Variants in WDFY4 observed in about 807,000 individuals in gnomAD.
WDFY4 encodes the protein WD repeat- and FYVE domain-containing protein 4.
Under a neutral mutation model 351.9 loss-of-function variants are expected in WDFY4, and 169 were observed. That is an observed-to-expected ratio of 0.48 (90% CI 0.42 to 0.55). The LOEUF (loss-of-function observed/expected upper bound fraction) is 0.55. Ranked by LOEUF, WDFY4 falls within the 20% of genes least tolerant of loss-of-function variation. The pLI, the probability that WDFY4 is intolerant of heterozygous loss-of-function variation, is 0.00. For synonymous variants in WDFY4, 1,622 were observed against 1,574.6 expected, an observed-to-expected ratio of 1.03 and a Z score of -0.71; for missense variants, 3,803 against 3,935.6, an observed-to-expected ratio of 0.97 and a Z score of 0.90.
intron 31 of WDFY4, among the ~76,000 whole-genome samples, chr10:48,814,969 C>T (rs867736257): frequency 2.4e-4 from 37 of 152,270 alleles, no homozygotes; most frequent in South Asian, 8.3e-4. Context: ...ACATGGTAAT[C>T]ATTTGTATTT....
intron 47 of WDFY4, among the ~76,000 whole-genome samples, chr10:48,922,483 A>C (rs1839171568): frequency 6.6e-6 from 1 of 152,258 alleles, no homozygotes; most frequent in Non-Finnish European, 1.5e-5. Flanking sequence ...TACAGCAAGA[A>C]TGAATCTTCT....
chr10:48,767,694 C>T (rs537938521), intron 13 of WDFY4, among the ~76,000 whole-genome samples: 12 of 152,176 alleles, frequency 7.9e-5, no homozygotes, highest in African/African-American at 2.9e-4. Context: ...TCAGCAGAGA[C>T]AATGAGGCCT....
At chr10:48,768,017 G>A (rs1212716151) in intron 13 of WDFY4, among the ~76,000 whole-genome samples, 1 of 152,120 alleles carries the variant, frequency 6.6e-6, no homozygotes, top group Non-Finnish European at 1.5e-5. Context: ...GACCACACTG[G>A]GGACTGTTGT....
At position 48,734,000 on chromosome 10, in the gene WDFY4, T is replaced by C. The variant is rs777469965; in HGVS notation, c.1652T>C (p.Val551Ala). The C allele has an allele frequency of 3.9e-6, 6 of 1,551,916 alleles. No homozygotes were observed. Among genetic ancestry groups the C allele is most frequent in the South Asian group, 3.6e-5 (3 of 84,074 alleles). The change falls in exon 10 of 62, where the codon GTA becomes GCA. Residue 551 changes from valine (V) to alanine (A), a missense_variant. Around this residue, in one of 3 missense-constraint regions of WDFY4, gnomAD observed 261 missense variants for 330.2 expected, o/e 0.79. Transcript: ENST00000325239. ...CTCACCTGTGTGATGCTGAGGATTG[T>C]AGTCACACTTCTGAAAGGCTCGGTG... The part of the protein sequence containing the change: ...RELTCVMLRI[V>A]VTLLKGSVRN...
At chr10:48,755,091 C>A (rs2065296727) in intron 12 of WDFY4, among the ~76,000 whole-genome samples, 2 of 152,204 alleles carry the variant, frequency 1.3e-5, no homozygotes, top group South Asian at 2.1e-4. Context: ...ATAGTAAAAC[C>A]TTTTCTCCAC....
chr10:48,970,449 C>T (rs954499638), intron 57 of WDFY4, among the ~76,000 whole-genome samples, 160 bp downstream of exon 57: 7 of 152,170 alleles, frequency 4.6e-5, no homozygotes, highest in Non-Finnish European at 2.9e-5. Flanking sequence ...TAGGAATGAG[C>T]GAAGTGAGGT....
chr10:48,926,463 A>G (rs61848097), intron 47 of WDFY4, among the ~76,000 whole-genome samples: 10,996 of 152,278 alleles, frequency 0.072, 593 homozygotes, highest in South Asian at 0.19. Flanking sequence ...GCAGCCAGCC[A>G]ACGCAACAGA....
chr10:48,834,094 C>T (rs969828144), intron 39 of WDFY4, among the ~76,000 whole-genome samples: 1 of 152,214 alleles, frequency 6.6e-6, no homozygotes, highest in African/African-American at 2.4e-5. Flanking sequence ...GGGCAAAGCA[C>T]ATGTCTTATT....
intron 43 of WDFY4, among the ~76,000 whole-genome samples, chr10:48,881,421 T>C (rs2070244533): frequency 6.6e-6 from 1 of 151,902 alleles, no homozygotes; most frequent in East Asian, 1.9e-4. Context: ...GCCGAGATGG[T>C]GGAGGATGAG....
At chr10:48,973,420 C>T (rs1281676313) in intron 57 of WDFY4, among the ~76,000 whole-genome samples, 2 of 152,158 alleles carry the variant, frequency 1.3e-5, no homozygotes, top group African/African-American at 4.8e-5. Flanking sequence ...CCATTAAGGA[C>T]AAACAGGAGC....
In WDFY4 at chr10:48,820,427, T is replaced by C; in HGVS notation, c.5699T>C (p.Val1900Ala). 1 of 1,550,732 alleles carries C rather than the reference T, an allele frequency of 6.4e-7. No homozygotes were observed. Among genetic ancestry groups the C allele is most frequent in the Non-Finnish European group, 8.7e-7 (1 of 1,146,626 alleles). Residue 1900 changes from valine (V) to alanine (A), a missense_variant, in exon 33 of 62, where the codon GTG becomes GCG. By Grantham distance (64) the Val-to-Ala change is moderately conservative. Around this residue, in one of 3 missense-constraint regions of WDFY4, gnomAD observed 3,054 missense variants for 3,148.6 expected, o/e 0.97. Coordinates refer to ENST00000325239, the MANE Select transcript of WDFY4 (RefSeq NM_001394531.1). Reference protein sequence around the residue: ...SSPKQWLPLEVLLEASPDHAT... With the variant: ...SSPKQWLPLEALLEASPDHAT... Reference sequence around the variant, plus strand: ...CCCAAGCAGTGGCTGCCCCTGGAGGTGCTCCTGGAGGTGGGTTGGAAAAGG... The same window carrying C: ...CCCAAGCAGTGGCTGCCCCTGGAGGCGCTCCTGGAGGTGGGTTGGAAAAGG...
intron 42 of WDFY4, among the ~76,000 whole-genome samples, chr10:48,876,443 A>G (rs1264275938): frequency 6.6e-6 from 1 of 152,202 alleles, no homozygotes; most frequent in Admixed American, 6.5e-5. Context: ...GTGAGGATGA[A>G]ATAGTATCTC....
At chr10:48,822,604 T>A in intron 35 of WDFY4, 67 bp downstream of exon 35, 1 of 1,392,158 alleles carries the variant, frequency 7.2e-7, no homozygotes, top group African/African-American at 1.4e-5. Flanking sequence ...TATTGTCCAG[T>A]TGGTTCCACT....
intron 39 of WDFY4, among the ~76,000 whole-genome samples, chr10:48,852,314 T>C (rs911337156): frequency 2.0e-5 from 3 of 152,348 alleles, no homozygotes; most frequent in South Asian, 4.1e-4. Flanking sequence ...CAGTCACTTA[T>C]CCTCACTTGG....
At chr10:48,964,288 T>A (rs1841984981) in intron 54 of WDFY4, among the ~76,000 whole-genome samples, 1 of 152,238 alleles carries the variant, frequency 6.6e-6, no homozygotes, top group Non-Finnish European at 1.5e-5. Context: ...CTGATCTGAT[T>A]TTAGACACTA....
At chr10:48,816,819 C>T (rs769055365) in intron 31 of WDFY4, among the ~76,000 whole-genome samples, 3 of 152,060 alleles carry the variant, frequency 2.0e-5, no homozygotes, top group Non-Finnish European at 4.4e-5. Flanking sequence ...TGGTGAAAAA[C>T]AAGACTCAGA....
chr10:48,753,123 T>C (rs1156443877), intron 12 of WDFY4, among the ~76,000 whole-genome samples: 1 of 152,236 alleles, frequency 6.6e-6, no homozygotes, highest in East Asian at 1.9e-4. Context: ...TGGCTAATAA[T>C]GTTGAATTTT....
At chr10:48,921,418 CA>C (rs1839066819) in intron 47 of WDFY4, among the ~76,000 whole-genome samples, 1 of 152,012 alleles carries the variant, frequency 6.6e-6, no homozygotes. Context: ...TATTTATATG[CA>C]AAAATTAAAC....
At chr10:48,780,721 T>A (rs955709974) in intron 19 of WDFY4, among the ~76,000 whole-genome samples, 1 of 152,128 alleles carries the variant, frequency 6.6e-6, no homozygotes, top group Non-Finnish European at 1.5e-5. Flanking sequence ...CCAGCAGCCA[T>A]TGTCAGAGAA....
Sources: gnomAD v4.1 joint callset for allele counts (sites outside exome capture counted in the v4.1 genomes callset) on GRCh38, gnomAD v4.1.1 for gene constraint, gnomAD v4.1.1 regional missense constraint, MANE v1.5 for transcripts, NCBI Gene and HGNC (gene_info 2026-07-23, HGNC 2026-07-21) for gene names.